Variants in SEZ6 observed in about 807,000 individuals in gnomAD.
SEZ6 encodes seizure related 6 homolog.
SEZ6 carries 53 observed loss-of-function variants against 101.0 expected under a neutral mutation model. The observed-to-expected ratio is 0.52, with a 90% CI of 0.42 to 0.66. The LOEUF (loss-of-function observed/expected upper bound fraction) is 0.66. SEZ6 is among the 30% of genes least tolerant of loss of function. SEZ6 has a pLI of 0.00. For missense variants in SEZ6, 1,102 were observed against 1,289.4 expected, an observed-to-expected ratio of 0.85 and a Z score of 2.23; for synonymous variants, 488 against 512.2, an observed-to-expected ratio of 0.95 and a Z score of 0.64.
chr17:28,959,466 C>T lies in SEZ6; in HGVS notation c.1778G>A (p.Cys593Tyr), dbSNP rs1379165521. 6.2e-7 allele frequency: 1 copy of T among 1,613,038 alleles called. No individual in the cohort carries two copies. The highest frequency in any genetic ancestry group is 8.5e-7 in the Non-Finnish European group (1 of 1,179,850). Reference sequence around the variant, plus strand: ...AGCCGAGTCTGTGATCTCCCCGCTGCACACGGCTGGAAGGCAGAGGAGGCC... The same window carrying T: ...AGCCGAGTCTGTGATCTCCCCGCTGTACACGGCTGGAAGGCAGAGGAGGCC... The part of the protein sequence containing the change: ...NETEPACRAV[C>Y]SGEITDSAGV... The change falls in exon 9 of 17, where the codon TGC becomes TAC. Residue 593 changes from cysteine (C) to tyrosine (Y), a missense_variant. By Grantham distance (194) the Cys-to-Tyr change is radical (BLOSUM62 -2). This residue lies in a region of SEZ6 where 556 missense variants were observed against 735.1 expected (regional missense o/e 0.76). Coordinates refer to ENST00000317338, the MANE Select transcript of SEZ6 (RefSeq NM_178860.5). The surrounding 1 kb of genome is among the most constrained non-coding windows in gnomAD (Gnocchi z 4.4).
chr17:28,987,316 G>C (rs1205156416), intron 1 of SEZ6, among the ~76,000 whole-genome samples: 7 of 152,268 alleles, frequency 4.6e-5, no homozygotes, highest in African/African-American at 1.7e-4. Flanking sequence ...GGGCCCCCCA[G>C]AGCCAGAGTC....
intron 4 of SEZ6, among the ~76,000 whole-genome samples, chr17:28,965,673 G>A (rs1158168767): frequency 6.6e-6 from 1 of 152,104 alleles, no homozygotes; most frequent in Non-Finnish European, 1.5e-5. Flanking sequence ...AAAAAGATGG[G>A]GACGAGGGTA....
chr17:28,982,574 C>A (rs1301509292), intron 1 of SEZ6, among the ~76,000 whole-genome samples: 1 of 152,192 alleles, frequency 6.6e-6, no homozygotes, highest in African/African-American at 2.4e-5. Flanking sequence ...TCTCAGTGAA[C>A]CTGCTGGTCA....
Position 28,959,188 on chromosome 17 carries a change from G to A in SEZ6, c.1944C>T (p.Phe648=). The stretch of plus-strand genomic sequence containing the variant: ...GGGCCGTCAGGTCATCCCCATCATA[G>A]AAGGTAAGCACATCACCAGGGCCTA... The part of the protein sequence containing the change: ...LRIGPGDVLT[F]YDGDDLTARV... The change falls in exon 10 of 17, where the codon TTC becomes TTT. Residue 648 remains phenylalanine (F), a synonymous_variant. Transcript: ENST00000317338. This position sits in a 1 kb window ranked among gnomAD's most constrained non-coding sequence, Gnocchi z 4.4. The A allele has an allele frequency of 6.2e-7, 1 of 1,613,576 alleles. No homozygotes were observed. The highest frequency in any genetic ancestry group is 8.5e-7 in the Non-Finnish European group (1 of 1,179,694).
Position 28,959,041 on chromosome 17 carries a change from G to A in SEZ6, c.2091C>T (p.Phe697=), listed in dbSNP as rs1240946324. The change falls in exon 10 of 17, where the codon TTC becomes TTT. Residue 697 remains phenylalanine (F), a synonymous_variant. Transcript: ENST00000317338. This position sits in a 1 kb window ranked among gnomAD's most constrained non-coding sequence, Gnocchi z 4.4. ...GTSVLGYQQG[F]VIHFFEVPRN... ...CAAGCTCACCAAAGAAGTGGATGAC[G>A]AAGCCCTGCTGGTAGCCCAGCACTG... 12 of 1,612,914 alleles carry A rather than the reference G, an allele frequency of 7.4e-6. No homozygotes were observed. The highest frequency in any genetic ancestry group is 1.6e-4 in the Middle Eastern group (1 of 6,076).
rs375495154 is a variant in SEZ6 at position 28,957,925 on chromosome 17, C to T, written c.2302+22G>A. On this transcript the variant is annotated intron_variant, in intron 11 of 16. Coordinates refer to ENST00000317338, the MANE Select transcript of SEZ6 (RefSeq NM_178860.5). ...TTGGAGTTTGTGTTGGGAAGGGGAGCGTGGGGAACAGGTATACTCACCCCT... is the reference window on the plus strand; with the variant it reads ...TTGGAGTTTGTGTTGGGAAGGGGAGTGTGGGGAACAGGTATACTCACCCCT... 235 of 1,598,730 alleles carry T rather than the reference C, an allele frequency of 1.5e-4. No individual in the cohort carries two copies. The East Asian group carries it at 1.6e-3, about 11-fold the overall frequency.
intron 3 of SEZ6, among the ~76,000 whole-genome samples, chr17:28,976,287 G>T (rs926925138): frequency 6.6e-6 from 1 of 152,156 alleles, no homozygotes; most frequent in Non-Finnish European, 1.5e-5. Flanking sequence ...CCCTGAGGCT[G>T]GTCCTCCAAA....
chr17:28,985,085 G>A (rs1020921650), intron 1 of SEZ6, among the ~76,000 whole-genome samples: 2 of 152,182 alleles, frequency 1.3e-5, no homozygotes, highest in Admixed American at 1.3e-4. Flanking sequence ...GTCTCGCAGT[G>A]ACGCAGCTGG....
intron 1 of SEZ6, among the ~76,000 whole-genome samples, chr17:28,986,424 G>C (rs1461619460): frequency 2.0e-5 from 3 of 152,224 alleles, no homozygotes; most frequent in African/African-American, 7.2e-5. Flanking sequence ...GATCGGGATG[G>C]GGGGCGGGGC....
chr17:28,969,771 T>C lies in SEZ6; in HGVS notation c.1040A>G (p.His347Arg). The stretch of plus-strand genomic sequence containing the variant: ...CCAGGCCTTACCTTGGTAATGGAAA[T>C]GGAAGGTGCCAGGGCCAGCCGGTGG... ...LPPPAGPGTFHFHYQAYLLSC... is the reference protein window; with the variant it reads ...LPPPAGPGTFRFHYQAYLLSC... Residue 347 changes from histidine (H) to arginine (R), a missense_variant, in exon 4 of 17, where the codon CAT becomes CGT. Transcript: ENST00000317338. 6.7e-7 allele frequency: 1 copy of C among 1,496,520 alleles called. No homozygotes were observed. Among genetic ancestry groups the C allele is most frequent in the South Asian group, 1.4e-5 (1 of 72,960 alleles). The allele number at this position is 1,496,520 out of a possible 1,614,324, so 92.7% of individuals were successfully genotyped here.
chr17:28,969,596 C>A (rs2041120574), intron 4 of SEZ6, among the ~76,000 whole-genome samples, 161 bp downstream of exon 4: 1 of 152,204 alleles, frequency 6.6e-6, no homozygotes, highest in Non-Finnish European at 1.5e-5. Flanking sequence ...ATACGCGATA[C>A]TTACCTCCAA....
chr17:28,957,732 A>G (rs1171818319), intron 11 of SEZ6, 193 bp from the exon 12 acceptor site: 1 of 844,172 alleles, frequency 1.2e-6, no homozygotes, highest in African/African-American at 1.7e-5. Context: ...ATAAAAACTG[A>G]TTGGCCATCT....
At chr17:28,966,575 C>T (rs2041072516) in intron 4 of SEZ6, among the ~76,000 whole-genome samples, 1 of 152,136 alleles carries the variant, frequency 6.6e-6, no homozygotes. Context: ...GCTACAGAGC[C>T]TGATAACCCT....
Position 29,005,946 on chromosome 17 carries a change from G to A in SEZ6, c.-77C>T, listed in dbSNP as rs575420181. The A allele has an allele frequency of 1.1e-5, 14 of 1,255,644 alleles. No individual in the cohort carries two copies. In the African/African-American group the frequency reaches 1.9e-4, roughly 17 times the overall value. The allele number at this position is 1,255,644 out of a possible 1,614,324, so 77.8% of individuals were successfully genotyped here. A position where few individuals can be genotyped will look rare whatever the true frequency, so the allele number is the denominator to read the frequency against. On this transcript the variant is annotated 5_prime_UTR_variant, in exon 1 of 17. Transcript: ENST00000317338. This position sits in a 1 kb window ranked among gnomAD's most constrained non-coding sequence, Gnocchi z 4.8. ...GGCTTGGTGGGGCTTGGGCGCGGGG[G>A]CAGAGCCGGGTCCGGCCGGGTAGAG...
intron 15 of SEZ6, 29 bp downstream of exon 15, chr17:28,956,321 T>G (rs761725119): frequency 5.9e-4 from 933 of 1,577,818 alleles, no homozygotes; most frequent in Non-Finnish European, 7.6e-4. Flanking sequence ...TATGCAGGTA[T>G]GCAGAGCAGA....
chr17:28,981,846 C>A lies in SEZ6; in HGVS notation c.249G>T (p.Lys83Asn). The A allele has an allele frequency of 1.9e-6, 3 of 1,613,904 alleles. No homozygotes were observed. Among genetic ancestry groups the A allele is most frequent in the Non-Finnish European group, 2.5e-6 (3 of 1,179,854 alleles). The change falls in exon 2 of 17, where the codon AAG becomes AAT. Residue 83 changes from lysine (K) to asparagine (N), a missense_variant. Around this residue, in one of 3 missense-constraint regions of SEZ6, gnomAD observed 406 missense variants for 418.6 expected, o/e 0.97. Transcript: ENST00000317338. The stretch of plus-strand genomic sequence containing the variant: ...GTGCTGGCCTCAGCTCCTCATCTCC[C>A]TTTTCCAGCCCCTCTTGTAGGAATT... ...LEEFLQEGLE[K>N]GDEELRPALP...
chr17:28,957,638 G>A (rs1434860176), intron 11 of SEZ6, 99 bp from the exon 12 acceptor site: 20 of 1,308,226 alleles, frequency 1.5e-5, no homozygotes, highest in East Asian at 5.0e-5. Flanking sequence ...TCTTCATGTC[G>A]TATGGGTCTA....
At chr17:28,969,336 G>T (rs1411217808) in intron 4 of SEZ6, among the ~76,000 whole-genome samples, 4 of 152,176 alleles carry the variant, frequency 2.6e-5, no homozygotes, top group African/African-American at 9.7e-5. Context: ...TTTGGGGAGG[G>T]CTTCTATTGT....
In SEZ6 at chr17:28,958,060, T is replaced by A. The variant is rs1402215385; in HGVS notation, c.2189A>T (p.His730Leu). The A allele has an allele frequency of 6.2e-7, 1 of 1,613,674 alleles. No homozygotes were observed. Among genetic ancestry groups the A allele is most frequent in the Admixed American group, 1.7e-5 (1 of 60,020 alleles). The change falls in exon 11 of 17, where the codon CAC becomes CTC. Residue 730 changes from histidine (H) to leucine (L), a missense_variant. Transcript: ENST00000317338. ...GCACTGGTAAGTGACCACGGTGCCG[T>A]GCACTAGCTCAGGCTGCGATGGGCT... The part of the protein sequence containing the change: ...WKSPSQPELV[H>L]GTVVTYQCYP...
Sources: allele counts gnomAD v4.1 joint callset (sites outside exome capture counted in the v4.1 genomes callset), GRCh38; gene constraint gnomAD v4.1.1; regional missense constraint gnomAD v4.1.1; non-coding constraint Gnocchi (gnomAD v3.1); transcripts MANE v1.5; gene names NCBI Gene and HGNC (gene_info 2026-07-23, HGNC 2026-07-21).